Variants in ATG7 observed in about 807,000 individuals in gnomAD.
ATG7 encodes the protein ubiquitin-like modifier-activating enzyme ATG7.
In ATG7, 70 loss-of-function variants were observed where a neutral mutation model predicts 82.4. The ratio of observed to expected loss-of-function variants is 0.85; its 90% confidence interval spans 0.70 to 1.04. The LOEUF (loss-of-function observed/expected upper bound fraction) is 1.04, where lower values mean the gene tolerates loss of function less well. Among genes scored for constraint, ATG7 ranks in the 50% least tolerant of loss-of-function variants. The pLI, the probability that ATG7 is intolerant of heterozygous loss-of-function variation, is 0.00. For missense variants in ATG7, 792 were observed against 864.3 expected, an observed-to-expected ratio of 0.92 and a Z score of 1.05; for synonymous variants, 287 against 313.0, an observed-to-expected ratio of 0.92 and a Z score of 0.88.
rs1185986126 is a variant in ATG7 at position 11,417,800 on chromosome 3, ATTTTATTTTATT to A, written c.1957-9001_1957-8990del. On this transcript the variant is annotated intron_variant, in intron 19 of 20. Coordinates refer to ENST00000693202, the MANE Select transcript of ATG7 (RefSeq NM_001349232.2). ...CATTTAAAAAATTATTATTATTATT[ATTTTATTTTATT>A]TTATTTTTTTTTTTTTTGAGACAGA... Among the ~76,000 whole-genome samples, 13 of 109,342 alleles carry A rather than the reference ATTTTATTTTATT, an allele frequency of 1.2e-4. 1 individual carries two copies. Among genetic ancestry groups the A allele is most frequent in the South Asian group, 6.7e-4 (2 of 2,972 alleles). The allele number at this position is 109,342 out of a possible 152,430, so 71.7% of individuals were successfully genotyped here. A position where few individuals can be genotyped will look rare whatever the true frequency, so the allele number is the denominator to read the frequency against.
At chr3:11,299,973 G>A (rs1946528352) in intron 5 of ATG7, among the ~76,000 whole-genome samples, 1 of 150,948 alleles carries the variant, frequency 6.6e-6, no homozygotes, top group Non-Finnish European at 1.5e-5. Context: ...CACCCAGGCT[G>A]GAGTGTAGTA....
At chr3:11,390,576 G>C (rs891924728) in intron 19 of ATG7, among the ~76,000 whole-genome samples, 2 of 152,136 alleles carry the variant, frequency 1.3e-5, no homozygotes, top group African/African-American at 4.8e-5. Flanking sequence ...GTGCTAGTTT[G>C]ATCTGTTCTT....
chr3:11,424,975 C>CT (rs11457529), intron 19 of ATG7, among the ~76,000 whole-genome samples: 77,731 of 151,366 alleles, frequency 0.51, 20,797 homozygotes, highest in East Asian at 0.68. Flanking sequence ...CAAAATATCC[C>CT]TTTTTTTTGT....
chr3:11,453,232 G>C (rs978512275), intron 20 of ATG7, among the ~76,000 whole-genome samples: 2 of 152,234 alleles, frequency 1.3e-5, no homozygotes, highest in Non-Finnish European at 2.9e-5. Context: ...CATGTGGTCT[G>C]AGCACTGAAT....
intron 19 of ATG7, among the ~76,000 whole-genome samples, chr3:11,413,043 G>A (rs1029789055): frequency 2.6e-5 from 4 of 152,028 alleles, no homozygotes; most frequent in African/African-American, 9.7e-5. Flanking sequence ...TTTGTATCCT[G>A]CTGCTTTGCT....
At chr3:11,520,506 G>A (rs990940170) in intron 20 of ATG7, among the ~76,000 whole-genome samples, 1 of 152,200 alleles carries the variant, frequency 6.6e-6, no homozygotes, top group Non-Finnish European at 1.5e-5. Flanking sequence ...GCCGTGCCAG[G>A]CACCATACCG....
intron 20 of ATG7, among the ~76,000 whole-genome samples, chr3:11,517,366 A>G (rs1185622891): frequency 6.6e-6 from 1 of 152,022 alleles, no homozygotes; most frequent in East Asian, 1.9e-4. Context: ...AGAAAAGAAA[A>G]GAAAAAAACA....
the ATG7 span, among the ~76,000 whole-genome samples, chr3:11,564,190 A>C: frequency 6.6e-6 from 1 of 152,216 alleles, no homozygotes; most frequent in African/African-American, 2.4e-5. Context: ...CATTTTTAAA[A>C]AGATTTGTTT....
intron 20 of ATG7, among the ~76,000 whole-genome samples, chr3:11,463,413 T>C (rs73139503): frequency 0.017 from 2,623 of 152,332 alleles, 44 homozygotes; most frequent in African/African-American, 0.046. Context: ...TTCAGTCTTG[T>C]TGAACCAATT....
At chr3:11,403,293 TAAAG>T (rs541921242) in intron 19 of ATG7, among the ~76,000 whole-genome samples, 43 of 152,088 alleles carry the variant, frequency 2.8e-4, no homozygotes, top group Non-Finnish European at 4.0e-4. Flanking sequence ...TGGAGTAAGT[TAAAG>T]AGAGAATGGA....
chr3:11,307,007 G>A lies in ATG7; in HGVS notation c.280G>A (p.Glu94Lys), dbSNP rs868797489. Residue 94 changes from glutamate (E) to lysine (K), a missense_variant, in exon 6 of 21, where the codon GAG becomes AAG. Glu to Lys is a moderately conservative substitution (Grantham distance 56, BLOSUM62 1). Coordinates refer to ENST00000693202, the MANE Select transcript of ATG7 (RefSeq NM_001349232.2). ...AACACTGTATAACACCAACACACTC[G>A]AGTCTTTCAAGACTGCAGATAAGAA... Reference protein sequence around the residue: ...IGTLYNTNTLESFKTADKKLL... With the variant: ...IGTLYNTNTLKSFKTADKKLL... The A allele has an allele frequency of 6.2e-6, 10 of 1,613,982 alleles. No individual in the cohort carries two copies. The highest frequency in any genetic ancestry group is 2.7e-5 in the African/African-American group (2 of 74,968).
Position 11,464,636 on chromosome 3 carries a change from A to T in ATG7, c.2079+37710A>T, listed in dbSNP as rs182328947. ...CTTGTTGTTTTAATTATACCATTTA[A>T]TTAAATATCCCCCAAACGAAAGACA... On this transcript the variant is annotated intron_variant, in intron 20 of 20. Coordinates refer to ENST00000693202, the MANE Select transcript of ATG7 (RefSeq NM_001349232.2). Among the ~76,000 whole-genome samples the T allele has an allele frequency of 2.6e-5, 4 of 152,322 alleles. No individual in the cohort carries two copies. The East Asian group carries it at 7.7e-4, about 29-fold the overall frequency.
chr3:11,349,718 A>G (rs1955170516), intron 14 of ATG7, among the ~76,000 whole-genome samples: 1 of 152,168 alleles, frequency 6.6e-6, no homozygotes, highest in African/African-American at 2.4e-5. Context: ...CTCAGATCTA[A>G]TGTGTTATTT....
At chr3:11,527,090 T>C (rs992026709) in intron 20 of ATG7, among the ~76,000 whole-genome samples, 2 of 145,404 alleles carry the variant, frequency 1.4e-5, no homozygotes, top group African/African-American at 2.5e-5. Flanking sequence ...TATATATATA[T>C]ATACATACAT....
chr3:11,403,249 A>G (rs2080009231), intron 19 of ATG7, among the ~76,000 whole-genome samples: 1 of 152,136 alleles, frequency 6.6e-6, no homozygotes, highest in African/African-American at 2.4e-5. Flanking sequence ...AGTCTTGACA[A>G]GAGTCTTTTG....
intron 18 of ATG7, among the ~76,000 whole-genome samples, chr3:11,373,441 A>G (rs988332268): frequency 6.6e-6 from 1 of 152,204 alleles, no homozygotes; most frequent in African/African-American, 2.4e-5. Context: ...GTTAGTAACA[A>G]AGCATCCTGT....
At chr3:11,318,151 A>G (rs1319804654) in intron 9 of ATG7, among the ~76,000 whole-genome samples, 1 of 152,206 alleles carries the variant, frequency 6.6e-6, no homozygotes, top group East Asian at 1.9e-4. Context: ...GGGATTCACC[A>G]GAAACCTGTC....
rs1271278385 is a variant in ATG7, at chr3:11,282,191, AG to A, written c.-256del. 1 of 152,204 alleles carries A rather than the reference AG, an allele frequency of 6.6e-6. No individual in the cohort carries two copies. Among genetic ancestry groups the A allele is most frequent in the East Asian group, 1.9e-4 (1 of 5,190 alleles). 9.4% of individuals were successfully genotyped at this position (152,204 alleles called of 1,614,324 possible). On this transcript the variant is annotated splice_acceptor_variant, in intron 2 of 20. Coordinates refer to ENST00000693202, the MANE Select transcript of ATG7 (RefSeq NM_001349232.2). LOFTEE classifies it low-confidence loss of function (5UTR_SPLICE). Reference sequence around the variant, plus strand: ...TCAGCTGTCACTGTCCCTCCCATGTAGGCTTCTCAAACCCCATAATGCTGGT... The same window carrying A: ...TCAGCTGTCACTGTCCCTCCCATGTAGCTTCTCAAACCCCATAATGCTGGT...
intron 18 of ATG7, among the ~76,000 whole-genome samples, chr3:11,366,886 T>C (rs2076649647): frequency 6.6e-6 from 1 of 152,120 alleles, no homozygotes. Flanking sequence ...TTTTCAAATG[T>C]CTGAAGGATT....
Sources: allele counts gnomAD v4.1 joint callset (sites outside exome capture counted in the v4.1 genomes callset), GRCh38; gene constraint gnomAD v4.1.1; transcripts MANE v1.5; gene names NCBI Gene and HGNC (gene_info 2026-07-23, HGNC 2026-07-21).